LVRN: variants seen among roughly 807,000 people sequenced by gnomAD.
LVRN encodes the protein laeverin.
Under a neutral mutation model 111.4 loss-of-function variants are expected in LVRN, and 99 were observed. The observed-to-expected ratio is 0.89, with a 90% CI of 0.76 to 1.05. The LOEUF is 1.05. LVRN is among the 50% of genes least tolerant of loss of function. The probability of loss-of-function intolerance (pLI) is 0.00; values close to 1 mark genes in which losing one functional copy is unlikely to be tolerated. For missense variants in LVRN, 1,414 were observed against 1,206.8 expected, an observed-to-expected ratio of 1.17 and a Z score of -2.54; for synonymous variants, 488 against 449.5, an observed-to-expected ratio of 1.09 and a Z score of -1.08.
intron 12 of LVRN, among the ~76,000 whole-genome samples, chr5:116,005,501 C>T (rs1748342334): frequency 6.6e-6 from 1 of 152,116 alleles, no homozygotes; most frequent in Non-Finnish European, 1.5e-5. Flanking sequence ...TCAATGTTAC[C>T]AAAATAGCGC....
intron 1 of LVRN, among the ~76,000 whole-genome samples, chr5:115,967,262 T>C (rs761644182): frequency 5.0e-4 from 76 of 152,250 alleles, no homozygotes; most frequent in Non-Finnish European, 1.1e-3. Flanking sequence ...CTATGTTGTC[T>C]TCCGAAAGTG....
In LVRN at chr5:115,999,885, A is replaced by T; in HGVS notation, c.1498A>T (p.Ile500Leu). ...AAGTGAAATACAGGAACTCTTTGACATATTTACTTACAGCAAGGTAAAAGC... is the reference window on the plus strand; with the variant it reads ...AAGTGAAATACAGGAACTCTTTGACTTATTTACTTACAGCAAGGTAAAAGC... ...KTSEIQELFD[I>L]FTYSKGASMA... is the part of the protein sequence containing the mutation. The change falls in exon 7 of 20, where the codon ATA becomes TTA. Residue 500 changes from isoleucine to leucine, a missense_variant. Ile to Leu is a conservative substitution (Grantham distance 5, BLOSUM62 2). Transcript: ENST00000357872. 6.2e-7 allele frequency: 1 copy of T among 1,610,802 alleles called. No homozygotes were observed. Among genetic ancestry groups the T allele is most frequent in the Non-Finnish European group, 8.5e-7 (1 of 1,179,272 alleles).
intron 1 of LVRN, among the ~76,000 whole-genome samples, chr5:115,973,036 C>T (rs1753360826): frequency 6.6e-6 from 1 of 151,760 alleles, no homozygotes; most frequent in Admixed American, 6.6e-5. Flanking sequence ...TCAGGTGATT[C>T]TCCCACCTCA....
At position 115,962,555 on chromosome 5, in the gene LVRN, C is replaced by T. The variant is rs767342846; in HGVS notation, c.-63C>T. On this transcript the variant is annotated 5_prime_UTR_variant, in exon 1 of 20. Transcript: ENST00000357872. The stretch of plus-strand genomic sequence containing the variant: ...GGGTCGCAGCACTGAACACCCTGGC[C>T]GGGGTTTTGACAGCTGCCACAGTCT... 2.7e-6 allele frequency: 4 copies of T among 1,471,630 alleles called. No individual in the cohort carries two copies. Among genetic ancestry groups the T allele is most frequent in the South Asian group, 1.2e-5 (1 of 82,512 alleles). The allele number at this position is 1,471,630 out of a possible 1,614,324, so 91.2% of individuals were successfully genotyped here. A position where few individuals can be genotyped will look rare whatever the true frequency, so the allele number is the denominator to read the frequency against.
At chr5:115,970,575 T>C (rs943367143) in intron 1 of LVRN, among the ~76,000 whole-genome samples, 3 of 152,006 alleles carry the variant, frequency 2.0e-5, no homozygotes, top group Admixed American at 1.3e-4. Context: ...TCAGTAGAGA[T>C]GGGGTTTCAC....
At chr5:115,979,867 A>G (rs965585509) in intron 1 of LVRN, among the ~76,000 whole-genome samples, 7 of 152,206 alleles carry the variant, frequency 4.6e-5, no homozygotes, top group African/African-American at 1.7e-4. Context: ...GTAGACATAC[A>G]AAGTTCATAA....
chr5:116,022,182 G>T (rs1748743948), intron 18 of LVRN: 2 of 425,322 alleles, frequency 4.7e-6, no homozygotes, highest in Non-Finnish European at 4.2e-6. Flanking sequence ...TAATAGATTT[G>T]TGTAACACAT....
chr5:115,980,059 G>A (rs60897094), intron 1 of LVRN, among the ~76,000 whole-genome samples: 9,493 of 152,072 alleles, frequency 0.062, 985 homozygotes, highest in African/African-American at 0.21. Flanking sequence ...AAGAGGGCAG[G>A]AAAGTTGCTC....
chr5:116,000,325 C>CA, intron 7 of LVRN, 108 bp from the exon 8 acceptor site: 7 of 1,445,728 alleles, frequency 4.8e-6, no homozygotes, highest in Non-Finnish European at 6.8e-6. Flanking sequence ...AACTAAAATG[C>CA]AAAATGCAAT....
Position 116,022,021 on chromosome 5 carries a change from G to A in LVRN, c.2757-370G>A, listed in dbSNP as rs546666699. On this transcript the variant is annotated intron_variant, in intron 18 of 19. Coordinates refer to ENST00000357872, the MANE Select transcript of LVRN (RefSeq NM_173800.5). ...GGCTTTAGTCAGCAGTTCTGAAATG[G>A]ATCCTCTATGAACTACTGTTTTTTA... Among the ~76,000 whole-genome samples the A allele has an allele frequency of 3.9e-5, 6 of 152,188 alleles. No homozygotes were observed. The South Asian group carries it at 8.3e-4, about 21-fold the overall frequency.
intron 1 of LVRN, among the ~76,000 whole-genome samples, chr5:115,969,097 T>G (rs952932160): frequency 6.6e-6 from 1 of 152,180 alleles, no homozygotes; most frequent in Non-Finnish European, 1.5e-5. Context: ...GTCTCCTCTT[T>G]CTCTCCTCTT....
intron 10 of LVRN, 62 bp from the exon 11 acceptor site, chr5:116,002,773 G>A: frequency 2.5e-6 from 3 of 1,213,092 alleles, no homozygotes. Context: ...CTTTAATAGT[G>A]GCTCAGAGTG....
chr5:115,970,844 A>G (rs905698786), intron 1 of LVRN, among the ~76,000 whole-genome samples: 1 of 152,276 alleles, frequency 6.6e-6, no homozygotes, highest in Non-Finnish European at 1.5e-5. Flanking sequence ...ATACTCATAT[A>G]CAAGTCTTTT....
intron 1 of LVRN, among the ~76,000 whole-genome samples, chr5:115,966,190 A>G (rs576074398): frequency 1.3e-5 from 2 of 152,218 alleles, no homozygotes; most frequent in Non-Finnish European, 2.9e-5. Context: ...CTTAAAGATC[A>G]TTCCCATACT....
chr5:115,970,978 A>G (rs10478265), intron 1 of LVRN, among the ~76,000 whole-genome samples: 16 of 152,196 alleles, frequency 1.1e-4, no homozygotes, highest in Non-Finnish European at 2.2e-4. Context: ...ATTTTTATCA[A>G]CGTATGGCAG....
intron 18 of LVRN, 116 bp from the exon 19 acceptor site, chr5:116,022,274 GA>G: frequency 1.4e-6 from 1 of 696,984 alleles, no homozygotes; most frequent in South Asian, 1.7e-5. Context: ...TTTTTACTTA[GA>G]TTTGTGACAT....
chr5:116,024,360 C>T (rs892015543), intron 19 of LVRN, among the ~76,000 whole-genome samples: 1 of 151,626 alleles, frequency 6.6e-6, no homozygotes, highest in Non-Finnish European at 1.5e-5. Context: ...ATATGTGGGT[C>T]ATAAAGGCCT....
rs926316476 is a variant in LVRN at position 115,965,151 on chromosome 5, C to T, written c.695+1839C>T. On this transcript the variant is annotated intron_variant, in intron 1 of 19. Transcript: ENST00000357872. ...AAAAGGGAGTACACAGTGACACATA[C>T]AGCCTGGATAGTGGTAACTGCTATC... Among the ~76,000 whole-genome samples, 5 of 152,214 alleles carry T rather than the reference C, an allele frequency of 3.3e-5. No individual in the cohort carries two copies. The East Asian group carries it at 5.8e-4, about 18-fold the overall frequency.
intron 17 of LVRN, 73 bp downstream of exon 17, chr5:116,015,492 G>A (rs192899883): frequency 3.8e-4 from 565 of 1,477,636 alleles, no homozygotes; most frequent in Non-Finnish European, 2.2e-4. Flanking sequence ...AAATAGAAAT[G>A]TGCTAATGTA....
Sources: gnomAD v4.1 joint callset for allele counts (sites outside exome capture counted in the v4.1 genomes callset) on GRCh38, gnomAD v4.1.1 for gene constraint, MANE v1.5 for transcripts, NCBI Gene and HGNC (gene_info 2026-07-23, HGNC 2026-07-21) for gene names.